Variants in IGSF21 observed in about 807,000 individuals in gnomAD.
IGSF21 encodes the protein immunoglobulin superfamily member 21.
Under a neutral mutation model 46.8 loss-of-function variants are expected in IGSF21, and 28 were observed. The ratio of observed to expected loss-of-function variants is 0.60; its 90% CI spans 0.44 to 0.82. The LOEUF (loss-of-function observed/expected upper bound fraction) is 0.82, where lower values mean the gene tolerates loss of function less well. IGSF21 is among the 40% of genes least tolerant of loss of function. The probability of loss-of-function intolerance (pLI) is 0.00; values close to 1 mark genes in which losing one functional copy is unlikely to be tolerated. For missense variants in IGSF21, 624 were observed against 665.5 expected, an observed-to-expected ratio of 0.94 and a Z score of 0.69; for synonymous variants, 284 against 273.6, an observed-to-expected ratio of 1.04 and a Z score of -0.38.
intron 9 of IGSF21, among the ~76,000 whole-genome samples, chr1:18,377,890 C>T (rs11805864): frequency 0.014 from 2,153 of 152,286 alleles, 52 homozygotes; most frequent in African/African-American, 0.049. Context: ...TTATACTGTC[C>T]TCCCTGGGCA....
chr1:18,183,242 TA>T lies in IGSF21; in HGVS notation c.71-44652del, dbSNP rs1255906599. On this transcript the variant is annotated intron_variant, in intron 1 of 9. Coordinates refer to ENST00000251296, the MANE Select transcript of IGSF21 (RefSeq NM_032880.5). ...AGAATGTCCGTTTTATAGAATATAA[TA>T]AAATAAAACAGGTTCATTCCACAAA... 2.6e-5 allele frequency among the ~76,000 whole-genome samples: 4 copies of T among 152,334 alleles called. No homozygotes were observed. The East Asian group carries it at 7.7e-4, about 29-fold the overall frequency.
intron 4 of IGSF21, among the ~76,000 whole-genome samples, chr1:18,359,338 A>AAAAG (rs1173594584): frequency 0.019 from 659 of 35,224 alleles, 18 homozygotes; most frequent in South Asian, 0.022. Flanking sequence ...AAGAGAAAGA[A>AAAAG]AAAGAAAGAA....
intron 3 of IGSF21, among the ~76,000 whole-genome samples, chr1:18,297,348 G>T (rs116382850): frequency 2.0e-5 from 3 of 152,182 alleles, no homozygotes; most frequent in African/African-American, 7.2e-5. Flanking sequence ...CCAGGCCCCC[G>T]TTCCTTCCCC....
chr1:18,162,381 T>C (rs2086635304), intron 1 of IGSF21, among the ~76,000 whole-genome samples: 2 of 152,142 alleles, frequency 1.3e-5, no homozygotes, highest in South Asian at 4.1e-4. Context: ...GTTAATGGTG[T>C]GAAAGCAATA....
At chr1:18,284,293 G>A (rs529276190) in intron 2 of IGSF21, among the ~76,000 whole-genome samples, 3 of 152,310 alleles carry the variant, frequency 2.0e-5, no homozygotes, top group South Asian at 4.1e-4. Context: ...CAGGAAGTCC[G>A]TTCCTTCCTT....
intron 2 of IGSF21, among the ~76,000 whole-genome samples, chr1:18,269,484 C>A (rs2085022611): frequency 6.6e-6 from 1 of 152,130 alleles, no homozygotes; most frequent in Non-Finnish European, 1.5e-5. Flanking sequence ...GGGCTCCCCT[C>A]AGCCAAGAAG....
intron 2 of IGSF21, among the ~76,000 whole-genome samples, chr1:18,277,125 CT>C (rs2085109530): frequency 6.6e-6 from 1 of 152,190 alleles, no homozygotes; most frequent in Admixed American, 6.5e-5. Flanking sequence ...TGGGCTGTTG[CT>C]TCTGCATTGT....
chr1:18,339,933 G>A (rs2085814588), intron 4 of IGSF21, among the ~76,000 whole-genome samples: 1 of 152,140 alleles, frequency 6.6e-6, no homozygotes, highest in African/African-American at 2.4e-5. Flanking sequence ...CCCTCTGAAA[G>A]GAGCACTGAA....
At chr1:18,212,449 G>C (rs998401412) in intron 1 of IGSF21, among the ~76,000 whole-genome samples, 2 of 152,188 alleles carry the variant, frequency 1.3e-5, no homozygotes, top group African/African-American at 4.8e-5. Context: ...CTTCCCTGCT[G>C]TTCTCATCTT....
rs141051351 is a variant in IGSF21, at chr1:18,349,015, G to A, written c.425-13100G>A. Among the ~76,000 whole-genome samples, 380 of 152,288 alleles carry A rather than the reference G, an allele frequency of 2.5e-3. 5 individuals are homozygous for A. Among genetic ancestry groups the A allele is most frequent in the Admixed American group, 0.021 (316 of 15,300 alleles). On this transcript the variant is annotated intron_variant, in intron 4 of 9. Coordinates refer to ENST00000251296, the MANE Select transcript of IGSF21 (RefSeq NM_032880.5). ...AATCACAATAATTTTCATAACAAAA[G>A]CTAGCACTGATTGAGTGCTCACTGA...
intron 1 of IGSF21, among the ~76,000 whole-genome samples, chr1:18,201,383 T>C (rs2087072869): frequency 6.6e-6 from 1 of 152,176 alleles, no homozygotes; most frequent in Non-Finnish European, 1.5e-5. Context: ...GAATCGTGGC[T>C]CCAAGGGCTA....
chr1:18,190,495 T>C (rs1539051), intron 1 of IGSF21, among the ~76,000 whole-genome samples: 69,867 of 110,534 alleles, frequency 0.63, 18,323 homozygotes, highest in African/African-American at 0.74. Flanking sequence ...CCAAAATCCC[T>C]GCCAGGTCAT....
chr1:18,208,643 C>T (rs188436962), intron 1 of IGSF21, among the ~76,000 whole-genome samples: 13 of 150,002 alleles, frequency 8.7e-5, no homozygotes, highest in Middle Eastern at 3.4e-3. Context: ...GTTATCCGCC[C>T]GCCTCGGCCT....
Position 18,185,199 on chromosome 1 carries a change from G to T in IGSF21, c.71-42699G>T, listed in dbSNP as rs115994718. On this transcript the variant is annotated intron_variant, in intron 1 of 9. Transcript: ENST00000251296. ...TCTGGCTCAGCCTGGCAGAAAGGGTGCAAGGGATCCCCGCATAGTGGGACA... is the reference window on the plus strand; with the variant it reads ...TCTGGCTCAGCCTGGCAGAAAGGGTTCAAGGGATCCCCGCATAGTGGGACA... 8.7e-3 allele frequency among the ~76,000 whole-genome samples: 1,327 copies of T among 152,266 alleles called. 17 individuals are homozygous for T. The highest frequency in any genetic ancestry group is 0.03 in the African/African-American group (1,238 of 41,544).
Position 18,337,951 on chromosome 1 carries a change from C to G in IGSF21, c.424+2941C>G, listed in dbSNP as rs538542432. Among the ~76,000 whole-genome samples, 53 of 152,262 alleles carry G rather than the reference C, an allele frequency of 3.5e-4. 1 individual carries two copies. The highest frequency in any genetic ancestry group is 1.2e-3 in the African/African-American group (51 of 41,558). Reference sequence around the variant, plus strand: ...TGCCAGAGGAGCGTGGCTTCTGTAGCTCACCAAGGTCCTGAATGGTGAGGG... The same window carrying G: ...TGCCAGAGGAGCGTGGCTTCTGTAGGTCACCAAGGTCCTGAATGGTGAGGG... On this transcript the variant is annotated intron_variant, in intron 4 of 9. Coordinates refer to ENST00000251296, the MANE Select transcript of IGSF21 (RefSeq NM_032880.5). This position sits in a 1 kb window ranked among gnomAD's most constrained non-coding sequence, Gnocchi z 5.7.
At chr1:18,325,173 G>A (rs951206490) in intron 3 of IGSF21, among the ~76,000 whole-genome samples, 3 of 152,198 alleles carry the variant, frequency 2.0e-5, no homozygotes, top group Non-Finnish European at 2.9e-5. Context: ...CTCAGCATTC[G>A]GTTAGTGCAG....
intron 4 of IGSF21, among the ~76,000 whole-genome samples, chr1:18,336,830 C>T (rs2085771976): frequency 6.6e-6 from 1 of 152,154 alleles, no homozygotes; most frequent in Admixed American, 6.5e-5. Flanking sequence ...ATCACAGTTC[C>T]ACGTGGCTAG....
At chr1:18,108,325 T>G (rs2086110861) in intron 1 of IGSF21, 127 bp downstream of exon 1, 1 of 1,038,990 alleles carries the variant, frequency 9.6e-7, no homozygotes. Flanking sequence ...GCCCGGGGTC[T>G]GTGGAGCTGG....
chr1:18,124,450 T>A (rs1185593389), intron 1 of IGSF21, among the ~76,000 whole-genome samples: 1 of 152,106 alleles, frequency 6.6e-6, no homozygotes, highest in Non-Finnish European at 1.5e-5. Context: ...CCATGCTGAG[T>A]TTTGAACCCA....
Sources: allele counts gnomAD v4.1 joint callset (sites outside exome capture counted in the v4.1 genomes callset), GRCh38; gene constraint gnomAD v4.1.1; non-coding constraint Gnocchi (gnomAD v3.1); transcripts MANE v1.5; gene names NCBI Gene and HGNC (gene_info 2026-07-23, HGNC 2026-07-21).